The following SLC24A2 variants were observed in gnomAD, a reference collection of about 807,000 sequenced individuals.
SLC24A2 encodes the protein solute carrier family 24 member 2, also known as sodium/potassium/calcium exchanger 2.
Under a neutral mutation model 62.0 loss-of-function variants are expected in SLC24A2, and 36 were observed. That is an observed-to-expected ratio of 0.58 (90% CI 0.44 to 0.77). The LOEUF is 0.77. Ranked by LOEUF, SLC24A2 falls within the 30% of genes least tolerant of loss-of-function variation. The probability of loss-of-function intolerance (pLI) is 0.00; values close to 1 mark genes in which losing one functional copy is unlikely to be tolerated. For synonymous variants in SLC24A2, 358 were observed against 294.0 expected (o/e 1.22, Z -2.23); for missense variants, 846 against 817.9 (o/e 1.03, Z -0.42).
At chr9:20,096,389 C>A in the SLC24A2 span, among the ~76,000 whole-genome samples, 24 of 152,138 alleles carry the variant, frequency 1.6e-4, no homozygotes, top group African/African-American at 5.8e-4. Flanking sequence ...CCTATAGGGA[C>A]ACTAATTATC....
chr9:19,533,755 T>C (rs755648028), intron 8 of SLC24A2, among the ~76,000 whole-genome samples: 122 of 152,206 alleles, frequency 8.0e-4, no homozygotes, highest in Non-Finnish European at 1.4e-3. Flanking sequence ...GGCTAAAAAA[T>C]GTCTTGTATT....
At chr9:20,301,075 C>T in the SLC24A2 span, among the ~76,000 whole-genome samples, 1 of 152,200 alleles carries the variant, frequency 6.6e-6, no homozygotes, top group African/African-American at 2.4e-5. Context: ...CTTCCTCTAC[C>T]TCTTCTCCCA....
the SLC24A2 span, among the ~76,000 whole-genome samples, chr9:20,154,312 G>C: frequency 1.3e-5 from 2 of 151,770 alleles, no homozygotes; most frequent in Non-Finnish European, 2.9e-5. Flanking sequence ...AGTCACACTG[G>C]GTACTGACAG....
chr9:20,265,626 G>A, the SLC24A2 span, among the ~76,000 whole-genome samples: 1 of 152,146 alleles, frequency 6.6e-6, no homozygotes, highest in African/African-American at 2.4e-5. Flanking sequence ...TGCGTTAACT[G>A]CACAAATTGT....
At position 19,513,482 on chromosome 9, in the gene SLC24A2, T is replaced by C. The variant is rs1832808141; in HGVS notation, c.*2671A>G. 6.6e-6 allele frequency: 1 copy of C among 151,968 alleles called. No individual in the cohort carries two copies. The allele number at this position is 151,968 out of a possible 1,614,324, so 9.4% of individuals were successfully genotyped here. A position where few individuals can be genotyped will look rare whatever the true frequency, so the allele number is the denominator to read the frequency against. On this transcript the variant is annotated 3_prime_UTR_variant, in exon 11 of 11. Coordinates refer to ENST00000341998, the MANE Select transcript of SLC24A2 (RefSeq NM_020344.4). ...TCAGGCTCAGTGCACATGACTGATG[T>C]GGGAACGGGGCTTGGAAATTTTGTC...
At chr9:19,734,278 G>A (rs1029741166) in intron 2 of SLC24A2, among the ~76,000 whole-genome samples, 1 of 152,092 alleles carries the variant, frequency 6.6e-6, no homozygotes, top group African/African-American at 2.4e-5. Context: ...ATGCTGTTTT[G>A]GTTACTGTAG....
At chr9:20,256,015 C>G in the SLC24A2 span, among the ~76,000 whole-genome samples, 1 of 152,250 alleles carries the variant, frequency 6.6e-6, no homozygotes, top group South Asian at 2.1e-4. Flanking sequence ...TGAGGCCATT[C>G]TTTATATATA....
At chr9:19,720,162 A>C (rs1310341004) in intron 2 of SLC24A2, among the ~76,000 whole-genome samples, 1 of 152,214 alleles carries the variant, frequency 6.6e-6, no homozygotes, top group Admixed American at 6.5e-5. Flanking sequence ...ATGATCAAGA[A>C]ATGTAGGTAA....
intron 2 of SLC24A2, among the ~76,000 whole-genome samples, chr9:19,714,841 C>G (rs113031543): frequency 5.3e-5 from 8 of 152,024 alleles, no homozygotes; most frequent in South Asian, 2.1e-4. Flanking sequence ...GTCTTTATGT[C>G]GTACATTAGA....
At chr9:19,697,588 A>G (rs1240230499) in intron 2 of SLC24A2, among the ~76,000 whole-genome samples, 2 of 152,216 alleles carry the variant, frequency 1.3e-5, no homozygotes, top group Non-Finnish European at 2.9e-5. Context: ...GAGTTCTATA[A>G]GTAAATATTT....
rs569052452 is a variant in SLC24A2, at chr9:19,668,562, T to C, written c.931-46263A>G. 2.2e-3 allele frequency among the ~76,000 whole-genome samples: 342 copies of C among 152,326 alleles called. 1 individual carries two copies. Among genetic ancestry groups the C allele is most frequent in the Non-Finnish European group, 4.0e-3 (273 of 68,030 alleles). On this transcript the variant is annotated intron_variant, in intron 2 of 10. Coordinates refer to ENST00000341998, the MANE Select transcript of SLC24A2 (RefSeq NM_020344.4). ...GTTGACTGTTTGAAATACACATTTTTCTTTTTTGAGACAGGGTCTCCCTCT... is the reference window on the plus strand; with the variant it reads ...GTTGACTGTTTGAAATACACATTTTCCTTTTTTGAGACAGGGTCTCCCTCT...
chr9:20,111,072 G>A, the SLC24A2 span, among the ~76,000 whole-genome samples: 1 of 152,152 alleles, frequency 6.6e-6, no homozygotes, highest in Non-Finnish European at 1.5e-5. Context: ...ATATCTTCCT[G>A]TCACCCTTCT....
the SLC24A2 span, among the ~76,000 whole-genome samples, chr9:20,007,431 G>A: frequency 2.6e-5 from 4 of 152,038 alleles, no homozygotes; most frequent in Admixed American, 6.6e-5. Flanking sequence ...TGACATATGC[G>A]CCCCATGTTT....
chr9:20,253,762 C>G, the SLC24A2 span, among the ~76,000 whole-genome samples: 6 of 152,172 alleles, frequency 3.9e-5, no homozygotes, highest in Non-Finnish European at 8.8e-5. Context: ...TTCAGTCATG[C>G]AACCACACTT....
chr9:19,639,896 A>T (rs1358006702), intron 2 of SLC24A2, among the ~76,000 whole-genome samples: 1 of 152,252 alleles, frequency 6.6e-6, no homozygotes, highest in African/African-American at 2.4e-5. Flanking sequence ...GAGAAAGAAA[A>T]CAGTTTTTTG....
At chr9:19,860,866 A>G in the SLC24A2 span, among the ~76,000 whole-genome samples, 43 of 152,176 alleles carry the variant, frequency 2.8e-4, no homozygotes, top group Non-Finnish European at 4.4e-5. Context: ...GCCTTTGGAA[A>G]GGGGAGAGAA....
At chr9:19,601,467 A>G (rs933222282) in intron 4 of SLC24A2, among the ~76,000 whole-genome samples, 3 of 152,068 alleles carry the variant, frequency 2.0e-5, no homozygotes, top group African/African-American at 7.2e-5. Flanking sequence ...GCTGCTCATT[A>G]TTTGGGTCCA....
intron 7 of SLC24A2, among the ~76,000 whole-genome samples, chr9:19,566,185 A>C (rs1162076233): frequency 1.3e-5 from 2 of 151,330 alleles, no homozygotes; most frequent in Non-Finnish European, 3.0e-5. Context: ...GGCAACCTAC[A>C]GAATGGGAGA....
chr9:19,850,254 T>C, the SLC24A2 span, among the ~76,000 whole-genome samples: 1 of 152,312 alleles, frequency 6.6e-6, no homozygotes, highest in African/African-American at 2.4e-5. Context: ...CTCATCTTTA[T>C]AATTTATAGG....
Sources: gnomAD v4.1 joint callset for allele counts (sites outside exome capture counted in the v4.1 genomes callset) on GRCh38, gnomAD v4.1.1 for gene constraint, MANE v1.5 for transcripts, NCBI Gene and HGNC (gene_info 2026-07-23, HGNC 2026-07-21) for gene names.